GNG7: variants seen among roughly 807,000 people sequenced by gnomAD.
GNG7 encodes the protein G protein subunit gamma 7.
Under a neutral mutation model 4.0 loss-of-function variants are expected in GNG7, and 1 was observed. The observed-to-expected ratio is 0.25, with a 90% CI of 0.09 to 1.18. The LOEUF (loss-of-function observed/expected upper bound fraction) is 1.18, where lower values mean the gene tolerates loss of function less well. Ranked by LOEUF, GNG7 falls within the 50% of genes most tolerant of loss-of-function variation. The probability of loss-of-function intolerance (pLI) is 0.50; values close to 1 mark genes in which losing one functional copy is unlikely to be tolerated. For missense variants in GNG7, 86 were observed against 91.9 expected, an observed-to-expected ratio of 0.94 and a Z score of 0.26; for synonymous variants, 34 against 36.9, an observed-to-expected ratio of 0.92 and a Z score of 0.29.
intron 1 of GNG7, among the ~76,000 whole-genome samples, chr19:2,677,985 A>G (rs112214850): frequency 5.9e-5 from 9 of 152,290 alleles, no homozygotes; most frequent in South Asian, 2.1e-4. Context: ...TCACACAAAC[A>G]TGAGTGTGAC....
At position 2,609,866 on chromosome 19, in the gene GNG7, C is replaced by T. The variant is rs1258874226; in HGVS notation, c.-78+36358G>A. Among the ~76,000 whole-genome samples the T allele has an allele frequency of 3.9e-5, 6 of 152,146 alleles. No individual in the cohort carries two copies. Among genetic ancestry groups the T allele is most frequent in the African/African-American group, 1.2e-4 (5 of 41,420 alleles). ...CCTCGGTGAGCCAGTGAACTCAGTG[C>T]ACTTCTGGAGCTCCCTGACCACGAG... is the stretch of plus-strand genomic sequence containing the variant. On this transcript the variant is annotated intron_variant, in intron 2 of 4. Transcript: ENST00000382159. The surrounding 1 kb of genome is among the most constrained non-coding windows in gnomAD (Gnocchi z 4.4).
Position 2,676,735 on chromosome 19 carries a change from A to T in GNG7, c.-135+25911T>A, listed in dbSNP as rs111672097. The stretch of plus-strand genomic sequence containing the variant: ...CCAGCCTCTTTGGTGGTTTTCAGGA[A>T]CAGCTAGTTAGTTATTCTGCAGATG... On this transcript the variant is annotated intron_variant, in intron 1 of 4. Coordinates refer to ENST00000382159, the MANE Select transcript of GNG7 (RefSeq NM_052847.3). Among the ~76,000 whole-genome samples the T allele has an allele frequency of 4.7e-3, 721 of 152,214 alleles. 8 individuals carry two copies. Among genetic ancestry groups the T allele is most frequent in the African/African-American group, 0.016 (657 of 41,544 alleles).
intron 2 of GNG7, among the ~76,000 whole-genome samples, chr19:2,579,642 A>G (rs1415014050): frequency 6.6e-6 from 1 of 152,224 alleles, no homozygotes; most frequent in African/African-American, 2.4e-5. Flanking sequence ...CCTCGGGGAC[A>G]TGCAAGGACA....
intron 2 of GNG7, among the ~76,000 whole-genome samples, chr19:2,639,476 C>T (rs1306410005): frequency 7.0e-5 from 2 of 28,664 alleles, no homozygotes; most frequent in African/African-American, 6.0e-4. Context: ...ATGAGCGCCC[C>T]TACTTGCCAG....
intron 2 of GNG7, among the ~76,000 whole-genome samples, chr19:2,562,757 C>T (rs963152460): frequency 1.6e-4 from 24 of 152,138 alleles, no homozygotes; most frequent in Non-Finnish European, 2.2e-4. Flanking sequence ...AGAGACTCTG[C>T]GTCCATAATC....
At chr19:2,642,971 C>A (rs1040386438) in intron 2 of GNG7, 4 of 441,228 alleles carry the variant, frequency 9.1e-6, no homozygotes, top group South Asian at 1.6e-5. Flanking sequence ...CCGTCGGCAC[C>A]CGAAATGCAA....
At chr19:2,581,745 G>A (rs1980511742) in intron 2 of GNG7, among the ~76,000 whole-genome samples, 1 of 152,230 alleles carries the variant, frequency 6.6e-6, no homozygotes, top group Non-Finnish European at 1.5e-5. Context: ...CATGAACCGT[G>A]TTATGGTCTA....
chr19:2,674,293 C>G (rs1983538921), intron 1 of GNG7, among the ~76,000 whole-genome samples: 1 of 150,858 alleles, frequency 6.6e-6, no homozygotes, highest in African/African-American at 2.4e-5. Context: ...AAAAAAGAAT[C>G]TGAAATATAA....
intron 4 of GNG7, among the ~76,000 whole-genome samples, chr19:2,520,158 G>A (rs151328109): frequency 4.5e-4 from 68 of 152,324 alleles, no homozygotes; most frequent in Admixed American, 1.6e-3. Context: ...TCCAGCCTGG[G>A]TGACAGAGCA....
intron 1 of GNG7, among the ~76,000 whole-genome samples, chr19:2,657,023 T>A (rs1406006937): frequency 6.6e-6 from 1 of 151,906 alleles, no homozygotes; most frequent in Non-Finnish European, 1.5e-5. Context: ...CAATTTTCAA[T>A]GATTGTCTTC....
chr19:2,597,721 C>G (rs2144808553), intron 2 of GNG7, among the ~76,000 whole-genome samples: 1 of 151,140 alleles, frequency 6.6e-6, no homozygotes, highest in East Asian at 1.9e-4. Context: ...ACGGTGAAAC[C>G]CCGTCTCTAC....
Position 2,653,745 on chromosome 19 carries a change from T to C in GNG7, c.-134-7465A>G, listed in dbSNP as rs369559555. ...TGAATTTCTGCCCTCTGGCCTCCCC[T>C]GTCCTCATCCTTATGGGATCTTCAG... On this transcript the variant is annotated intron_variant, in intron 1 of 4. Transcript: ENST00000382159. This position sits in a 1 kb window ranked among gnomAD's most constrained non-coding sequence, Gnocchi z 4.8. 6.6e-6 allele frequency among the ~76,000 whole-genome samples: 1 copy of C among 152,126 alleles called. No homozygotes were observed. The highest frequency in any genetic ancestry group is 1.5e-5 in the Non-Finnish European group (1 of 68,002).
chr19:2,579,292 A>T (rs2144789331), intron 2 of GNG7, among the ~76,000 whole-genome samples: 2 of 152,356 alleles, frequency 1.3e-5, no homozygotes, highest in East Asian at 3.9e-4. Flanking sequence ...GGCCACGCCC[A>T]GCACGGCTGG....
At chr19:2,569,981 G>A (rs563834346) in intron 2 of GNG7, among the ~76,000 whole-genome samples, 6 of 152,158 alleles carry the variant, frequency 3.9e-5, no homozygotes, top group East Asian at 1.9e-4. Flanking sequence ...TTGTGCCTCC[G>A]GATCTCACAC....
At chr19:2,666,212 G>A (rs146413931) in intron 1 of GNG7, among the ~76,000 whole-genome samples, 1,543 of 151,432 alleles carry the variant, frequency 0.01, 21 homozygotes, top group African/African-American at 0.035. Context: ...TGCTCTTGTC[G>A]CCCAGGCTGG....
rs568513842 is a variant in GNG7, at chr19:2,586,572, T to C, written c.-77-31384A>G. On this transcript the variant is annotated intron_variant, in intron 2 of 4. Coordinates refer to ENST00000382159, the MANE Select transcript of GNG7 (RefSeq NM_052847.3). Reference sequence around the variant, plus strand: ...CACACACTCTGGAAATGAGGGCAAATCCCAGCCCTGACATTTGACAGCCAA... The same window carrying C: ...CACACACTCTGGAAATGAGGGCAAACCCCAGCCCTGACATTTGACAGCCAA... Among the ~76,000 whole-genome samples the C allele has an allele frequency of 9.9e-5, 15 of 152,006 alleles. 1 individual carries two copies. The highest frequency in any genetic ancestry group is 3.4e-4 in the African/African-American group (14 of 41,448).
At chr19:2,674,578 G>A (rs1344621054) in intron 1 of GNG7, among the ~76,000 whole-genome samples, 1 of 152,132 alleles carries the variant, frequency 6.6e-6, no homozygotes, top group African/African-American at 2.4e-5. Context: ...TGGGATTACA[G>A]GCGCCCACAA....
rs1340026915 is a variant in GNG7 at position 2,514,709 on chromosome 19, G to A, written c.*313C>T. The A allele has an allele frequency of 9.8e-6, 2 of 204,052 alleles. No homozygotes were observed. The highest frequency in any genetic ancestry group is 1.1e-4 in the South Asian group (1 of 9,046). 12.6% of individuals were successfully genotyped at this position (204,052 alleles called of 1,614,324 possible). On this transcript the variant is annotated 3_prime_UTR_variant, in exon 5 of 5. Coordinates refer to ENST00000382159, the MANE Select transcript of GNG7 (RefSeq NM_052847.3). ...AGTTTTAAAAAATTGTTACCCCATC[G>A]CTGGGGGATTTCAGTTATTCCGAAC...
intron 1 of GNG7, among the ~76,000 whole-genome samples, chr19:2,672,046 G>A (rs1434079521): frequency 3.4e-3 from 96 of 27,838 alleles, no homozygotes; most frequent in African/African-American, 0.015. Context: ...GTGAGACTCC[G>A]TCTCAAAAAA....
Sources: gnomAD v4.1 joint callset for allele counts (sites outside exome capture counted in the v4.1 genomes callset) on GRCh38, gnomAD v4.1.1 for gene constraint, Gnocchi (gnomAD v3.1) non-coding constraint, MANE v1.5 for transcripts, NCBI Gene and HGNC (gene_info 2026-07-23, HGNC 2026-07-21) for gene names.